The following CLDN16 variants were observed in gnomAD, a reference collection of about 807,000 sequenced individuals.
The protein encoded by CLDN16 is claudin-16.
A neutral mutation model predicts 24.6 loss-of-function variants in CLDN16; 13 were observed. The observed-to-expected ratio is 0.53, with a 90% CI of 0.34 to 0.84. CLDN16 has a LOEUF of 0.84. CLDN16 is among the 40% of genes least tolerant of loss of function. The probability of loss-of-function intolerance (pLI) is 0.01; values close to 1 mark genes in which losing one functional copy is unlikely to be tolerated. For missense variants in CLDN16, 298 were observed against 292.7 expected (o/e 1.02, Z -0.13); for synonymous variants, 116 against 106.7 (o/e 1.09, Z -0.54).
chr3:190,322,386 G>C (rs1209133784), upstream of CLDN16: 5 of 641,906 alleles, frequency 7.8e-6, no homozygotes, highest in East Asian at 1.4e-4. Flanking sequence ...TCCGCGCCCG[G>C]GGCGGCGCTG....
intron 2 of CLDN16, among the ~76,000 whole-genome samples, chr3:190,371,925 T>G (rs1199033763): frequency 3.9e-5 from 6 of 151,962 alleles, no homozygotes; most frequent in Non-Finnish European, 8.8e-5. Context: ...TCTACCTGGC[T>G]GGGCTGTTGA....
chr3:190,332,036 G>C (rs1441708955), intron 1 of CLDN16, among the ~76,000 whole-genome samples: 2 of 152,142 alleles, frequency 1.3e-5, no homozygotes, highest in African/African-American at 4.8e-5. Context: ...AAGGACACTT[G>C]TGATAACATT....
chr3:190,294,497 G>A, the CLDN16 span, among the ~76,000 whole-genome samples: 6 of 151,914 alleles, frequency 3.9e-5, no homozygotes, highest in Admixed American at 6.5e-5. Context: ...GATTGTGCAC[G>A]CTTTTACTTA....
intron 1 of CLDN16, among the ~76,000 whole-genome samples, chr3:190,370,149 G>T (rs1718108331): frequency 6.6e-6 from 1 of 151,916 alleles, no homozygotes; most frequent in Non-Finnish European, 1.5e-5. Context: ...AACGTTGAAA[G>T]GGTCTCTTTC....
the CLDN16 span, among the ~76,000 whole-genome samples, chr3:190,315,461 A>G: frequency 6.6e-6 from 1 of 152,214 alleles, no homozygotes; most frequent in South Asian, 2.1e-4. Context: ...TAGGGTAAGA[A>G]GATGGATTCT....
chr3:190,400,390 G>A (rs968716972), intron 1 of CLDN16, among the ~76,000 whole-genome samples: 17 of 151,852 alleles, frequency 1.1e-4, no homozygotes, highest in African/African-American at 3.9e-4. Flanking sequence ...GCACCACCAC[G>A]CCTAGCTAAT....
At chr3:190,379,107 T>C (rs919687320) in intron 3 of CLDN16, among the ~76,000 whole-genome samples, 1 of 152,096 alleles carries the variant, frequency 6.6e-6, no homozygotes, top group African/African-American at 2.4e-5. Context: ...CTCAGTTACA[T>C]AGATTGGCTT....
chr3:190,381,234 C>A (rs1041085139), intron 3 of CLDN16, among the ~76,000 whole-genome samples: 1 of 151,988 alleles, frequency 6.6e-6, no homozygotes, highest in African/African-American at 2.4e-5. Context: ...ATTAGTTTCC[C>A]CATACCTGGT....
intron 1 of CLDN16, among the ~76,000 whole-genome samples, chr3:190,343,815 G>A (rs1371083179): frequency 6.6e-6 from 1 of 152,050 alleles, no homozygotes; most frequent in Non-Finnish European, 1.5e-5. Flanking sequence ...CAGAGTTCAG[G>A]TCTGGGGGAG....
At chr3:190,292,775 T>G in the CLDN16 span, among the ~76,000 whole-genome samples, 4 of 152,208 alleles carry the variant, frequency 2.6e-5, no homozygotes, top group Non-Finnish European at 4.4e-5. Context: ...AAAGTGATCT[T>G]CATTCCAGTT....
intron 1 of CLDN16, among the ~76,000 whole-genome samples, chr3:190,366,383 A>G (rs899818146): frequency 4.0e-5 from 6 of 151,894 alleles, no homozygotes; most frequent in African/African-American, 1.4e-4. Context: ...CTCCACTGAC[A>G]GGGTCTTCAT....
chr3:190,358,704 G>A (rs535384999), intron 1 of CLDN16, among the ~76,000 whole-genome samples: 2 of 151,954 alleles, frequency 1.3e-5, no homozygotes, highest in African/African-American at 4.8e-5. Context: ...AGCTTCAACA[G>A]GCTAATATTG....
chr3:190,336,109 A>C (rs946513902), intron 1 of CLDN16, among the ~76,000 whole-genome samples: 5 of 152,170 alleles, frequency 3.3e-5, no homozygotes, highest in African/African-American at 7.2e-5. Flanking sequence ...GTTACTCAGG[A>C]GAAAAAAAAA....
chr3:190,346,268 A>G lies in CLDN16; in HGVS notation n.121+23607A>G, dbSNP rs189416573. Among the ~76,000 whole-genome samples, 654 of 149,116 alleles carry G rather than the reference A, an allele frequency of 4.4e-3. 2 individuals carry two copies. The highest frequency in any genetic ancestry group is 0.015 in the African/African-American group (622 of 41,110). ...AGAAGTTCTGTTTGCTTAGGGAAGGAAAAAAAAACTGAAGGAAAAAGAAGT... is the reference window on the plus strand; with the variant it reads ...AGAAGTTCTGTTTGCTTAGGGAAGGGAAAAAAAACTGAAGGAAAAAGAAGT... On this transcript the variant is annotated intron_variant and non_coding_transcript_variant, in intron 1 of 4. Transcript: ENST00000468220.
At chr3:190,344,432 A>G in intron 1 of CLDN16, among the ~76,000 whole-genome samples, 1 of 151,950 alleles carries the variant, frequency 6.6e-6, no homozygotes, top group African/African-American at 2.4e-5. Context: ...TAATGTGTAT[A>G]TAAACTGTTC....
intron 1 of CLDN16, among the ~76,000 whole-genome samples, chr3:190,335,342 C>G (rs1480931588): frequency 1.3e-5 from 2 of 152,050 alleles, no homozygotes; most frequent in East Asian, 3.9e-4. Context: ...CTGCACCTGG[C>G]CCTGAGGATG....
chr3:190,328,726 T>C (rs575238051), intron 1 of CLDN16, among the ~76,000 whole-genome samples: 7 of 152,086 alleles, frequency 4.6e-5, no homozygotes, highest in South Asian at 2.1e-4. Context: ...TGTTACAAAC[T>C]GGTGAGTTGC....
At chr3:190,404,433 A>G (rs1448597991) in intron 2 of CLDN16, among the ~76,000 whole-genome samples, 3 of 152,206 alleles carry the variant, frequency 2.0e-5, no homozygotes, top group Non-Finnish European at 4.4e-5. Context: ...CGGCTACAAT[A>G]TTTGTGAATG....
chr3:190,313,993 A>C, the CLDN16 span, among the ~76,000 whole-genome samples: 1 of 152,196 alleles, frequency 6.6e-6, no homozygotes, highest in African/African-American at 2.4e-5. Context: ...TCCTCCTTTA[A>C]TTAAAGATCA....
Sources: gnomAD v4.1 joint callset for allele counts (sites outside exome capture counted in the v4.1 genomes callset) on GRCh38, gnomAD v4.1.1 for gene constraint, MANE v1.5 for transcripts, NCBI Gene and HGNC (gene_info 2026-07-23, HGNC 2026-07-21) for gene names.